Variants in IPO9 observed in about 807,000 individuals in gnomAD.
IPO9 encodes importin 9, also known as importin-9.
A neutral mutation model predicts 128.6 loss-of-function variants in IPO9; 28 were observed. The observed-to-expected ratio is 0.22, with a 90% CI of 0.16 to 0.30. The LOEUF (loss-of-function observed/expected upper bound fraction) is 0.30, where lower values mean the gene tolerates loss of function less well. IPO9 is among the 10% of genes least tolerant of loss of function. IPO9 has a pLI of 1.00. For missense variants in IPO9, 935 were observed against 1,293.9 expected (o/e 0.72, Z 4.26); for synonymous variants, 455 against 475.8 (o/e 0.96, Z 0.57).
chr1:201,830,092 C>A (rs1206226300), intron 1 of IPO9, among the ~76,000 whole-genome samples: 3 of 152,148 alleles, frequency 2.0e-5, no homozygotes, highest in East Asian at 3.8e-4. Context: ...AGAAAATAAA[C>A]CATTGGTTCG....
intron 16 of IPO9, 67 bp downstream of exon 16, chr1:201,868,863 C>G: frequency 6.7e-7 from 1 of 1,497,966 alleles, no homozygotes; most frequent in Non-Finnish European, 9.0e-7. Flanking sequence ...ACAGATGCAT[C>G]TAGCTGACAA....
At chr1:201,869,041 A>G (rs1279204183) in intron 16 of IPO9, among the ~76,000 whole-genome samples, 1 of 152,164 alleles carries the variant, frequency 6.6e-6, no homozygotes, top group Admixed American at 6.5e-5. Flanking sequence ...TCACAAGGTC[A>G]GGAGTTCGAG....
intron 12 of IPO9, 145 bp from the exon 13 acceptor site, chr1:201,858,710 A>G (rs1680379657): frequency 1.2e-6 from 1 of 851,886 alleles, no homozygotes; most frequent in East Asian, 2.7e-5. Context: ...CTTTTCAGCT[A>G]TAGGTTAGAA....
rs541523957 is a variant in IPO9 at position 201,870,954 on chromosome 1, T to C, written c.2409+96T>C. 4.4e-5 allele frequency: 62 copies of C among 1,423,060 alleles called. No homozygotes were observed. In the African/African-American group the frequency reaches 5.7e-4, roughly 13 times the overall value. 88.2% of individuals were successfully genotyped at this position (1,423,060 alleles called of 1,614,324 possible). ...GAGTTATTTTATTTTACCCTCTTAC[T>C]AGCCTTGTAGGACAGTTAAGTAAAA... On this transcript the variant is annotated intron_variant, in intron 18 of 23. Transcript: ENST00000361565. This position sits in a 1 kb window ranked among gnomAD's most constrained non-coding sequence, Gnocchi z 4.9.
In IPO9 at chr1:201,883,328, G is replaced by A. The variant is rs1300712069; in HGVS notation, c.*7274G>A. ...CTAGTGAACTGCAATTAGGCCCAGG[G>A]TCCCGGAGGAAGAAGGGGAGAGAAA... On this transcript the variant is annotated 3_prime_UTR_variant, in exon 24 of 24. Transcript: ENST00000361565. 1.3e-5 allele frequency: 2 copies of A among 152,216 alleles called. No individual in the cohort carries two copies. Among genetic ancestry groups the A allele is most frequent in the East Asian group, 3.8e-4 (2 of 5,198 alleles). 9.4% of individuals were successfully genotyped at this position (152,216 alleles called of 1,614,324 possible).
Position 201,829,257 on chromosome 1 carries a change from A to C in IPO9, c.48A>C (p.Pro16=). The C allele has an allele frequency of 1.9e-6, 3 of 1,590,458 alleles. No homozygotes were observed. Among genetic ancestry groups the C allele is most frequent in the Non-Finnish European group, 2.6e-6 (3 of 1,170,962 alleles). The change falls in exon 1 of 24, where the codon CCA becomes CCC. Residue 16 remains proline, a synonymous_variant. Coordinates refer to ENST00000361565, the MANE Select transcript of IPO9 (RefSeq NM_018085.5). ...GTGCGGCCTCCGGGCTGCCGGGTCCAGTGGCACAAGGATTAAAGGAAGCGT... is the reference window on the plus strand; with the variant it reads ...GTGCGGCCTCCGGGCTGCCGGGTCCCGTGGCACAAGGATTAAAGGAAGCGT... ...AAGAASGLPG[P]VAQGLKEALV... is the part of the protein sequence containing the mutation.
chr1:201,879,317 ATT>A lies in IPO9; in HGVS notation c.*3266_*3267del, dbSNP rs1264978058. On this transcript the variant is annotated 3_prime_UTR_variant, in exon 24 of 24. Transcript: ENST00000361565. ...TGTTAACTAGGTAAATAATCTGGACATTTTAGTCAAAGCATTAGACAGACAGA... is the reference window on the plus strand; with the variant it reads ...TGTTAACTAGGTAAATAATCTGGACATTAGTCAAAGCATTAGACAGACAGA... The A allele has an allele frequency of 6.6e-6, 1 of 152,100 alleles. No homozygotes were observed. Among genetic ancestry groups the A allele is most frequent in the Non-Finnish European group, 1.5e-5 (1 of 68,030 alleles). The allele number at this position is 152,100 out of a possible 1,614,324, so 9.4% of individuals were successfully genotyped here.
intron 1 of IPO9, among the ~76,000 whole-genome samples, chr1:201,845,042 G>A (rs992249505): frequency 6.6e-6 from 1 of 151,504 alleles, no homozygotes; most frequent in African/African-American, 2.4e-5. Flanking sequence ...GGCGTACAGA[G>A]TTTCCCTCTT....
intron 20 of IPO9, among the ~76,000 whole-genome samples, chr1:201,873,610 G>A (rs1293183023): frequency 1.3e-5 from 2 of 151,922 alleles, no homozygotes; most frequent in Non-Finnish European, 2.9e-5. Context: ...AGCCAGGCAT[G>A]GTGGCGCATG....
chr1:201,868,782 G>A lies in IPO9; in HGVS notation c.1990G>A (p.Ala664Thr). The change falls in exon 16 of 24, where the codon GCA becomes ACA. Residue 664 changes from alanine (A) to threonine (T), a missense_variant. By Grantham distance (58) the Ala-to-Thr change is moderately conservative (BLOSUM62 0). Transcript: ENST00000361565. ...IMQAPADKIP[A>T]GLCATAIDIL... ...GCAGGCCCCAGCAGACAAGATTCCTGCAGGGCTTTGTGCGGTAAGTGGCCG... is the reference window on the plus strand; with the variant it reads ...GCAGGCCCCAGCAGACAAGATTCCTACAGGGCTTTGTGCGGTAAGTGGCCG... The A allele has an allele frequency of 6.2e-7, 1 of 1,610,654 alleles. No homozygotes were observed. Among genetic ancestry groups the A allele is most frequent in the African/African-American group, 1.3e-5 (1 of 74,118 alleles).
In IPO9 at chr1:201,879,144, A is replaced by C. The variant is rs567797158; in HGVS notation, c.*3090A>C. 3.9e-4 allele frequency: 60 copies of C among 152,238 alleles called. No individual in the cohort carries two copies. The highest frequency in any genetic ancestry group is 7.6e-4 in the Non-Finnish European group (52 of 68,040). The allele number at this position is 152,238 out of a possible 1,614,324, so 9.4% of individuals were successfully genotyped here. A position where few individuals can be genotyped will look rare whatever the true frequency, so the allele number is the denominator to read the frequency against. ...GAAGGAAGCTGATAACACAAGTTAC[A>C]GACGTATATGTGACATTGATTTGGG... On this transcript the variant is annotated 3_prime_UTR_variant, in exon 24 of 24. Coordinates refer to ENST00000361565, the MANE Select transcript of IPO9 (RefSeq NM_018085.5).
chr1:201,832,549 C>T (rs974793037), intron 1 of IPO9, among the ~76,000 whole-genome samples: 1 of 152,212 alleles, frequency 6.6e-6, no homozygotes, highest in East Asian at 1.9e-4. Context: ...ATGAGCCAAC[C>T]GGCCAGGCCG....
chr1:201,853,423 G>A (rs1425838733), intron 6 of IPO9, among the ~76,000 whole-genome samples: 1 of 151,954 alleles, frequency 6.6e-6, no homozygotes, highest in East Asian at 1.9e-4. Context: ...TGTAGAGATA[G>A]GGTCTCACTG....
At chr1:201,867,483 G>A (rs1178727364) in intron 15 of IPO9, among the ~76,000 whole-genome samples, 1 of 151,914 alleles carries the variant, frequency 6.6e-6, no homozygotes, top group Non-Finnish European at 1.5e-5. Flanking sequence ...AGGAATATCT[G>A]AAACCATGGG....
Position 201,882,594 on chromosome 1 carries a change from G to A in IPO9, c.*6540G>A, listed in dbSNP as rs374808009. ...GCATTACTGCTGGCTTCCTAAAATT[G>A]AAAAGTATACTAGGGTTTTTAAACC... On this transcript the variant is annotated 3_prime_UTR_variant, in exon 24 of 24. Coordinates refer to ENST00000361565, the MANE Select transcript of IPO9 (RefSeq NM_018085.5). The A allele has an allele frequency of 6.6e-6, 1 of 152,064 alleles. No homozygotes were observed. The highest frequency in any genetic ancestry group is 2.1e-4 in the South Asian group (1 of 4,834). 9.4% of individuals were successfully genotyped at this position (152,064 alleles called of 1,614,324 possible). A position where few individuals can be genotyped will look rare whatever the true frequency, so the allele number is the denominator to read the frequency against.
Position 201,848,366 on chromosome 1 carries a change from T to C in IPO9, c.313-27T>C, listed in dbSNP as rs371682400. The C allele has an allele frequency of 1.5e-5, 24 of 1,591,308 alleles. No homozygotes were observed. In the African/African-American group the frequency reaches 3.0e-4, roughly 20 times the overall value. On this transcript the variant is annotated intron_variant, in intron 3 of 23. Coordinates refer to ENST00000361565, the MANE Select transcript of IPO9 (RefSeq NM_018085.5). Reference sequence around the variant, plus strand: ...GCCAGTCACTTTTAACCTGATCTAATAGCAGGTGGACTTTTATCCCTTACA... The same window carrying C: ...GCCAGTCACTTTTAACCTGATCTAACAGCAGGTGGACTTTTATCCCTTACA...
chr1:201,860,964 G>A (rs574680048), intron 13 of IPO9, among the ~76,000 whole-genome samples: 8 of 152,152 alleles, frequency 5.3e-5, no homozygotes, highest in East Asian at 1.9e-4. Context: ...TCAGGAGTTC[G>A]AGACCAGCCT....
Position 201,878,978 on chromosome 1 carries a change from C to G in IPO9, c.*2924C>G, listed in dbSNP as rs149748014. ...AAATAAAAAAGAGCACTTAGCTGCT[C>G]TGAGACATTTTAGTCTCCTGACTGG... On this transcript the variant is annotated 3_prime_UTR_variant, in exon 24 of 24. Coordinates refer to ENST00000361565, the MANE Select transcript of IPO9 (RefSeq NM_018085.5). 2.5e-4 allele frequency: 38 copies of G among 152,322 alleles called. 1 individual carries two copies. Among genetic ancestry groups the G allele is most frequent in the African/African-American group, 8.7e-4 (36 of 41,576 alleles). The allele number at this position is 152,322 out of a possible 1,614,324, so 9.4% of individuals were successfully genotyped here.
rs373531363 is a variant in IPO9 at position 201,872,896 on chromosome 1, G to T, written c.2645G>T (p.Arg882Leu). ...NADDKRLQDI[R>L]VKGEEIYSMD... ...GATGACAAACGGCTACAGGATATCC[G>T]TGTGAAGGGAGAGGAGATCTACAGC... is the stretch of plus-strand genomic sequence containing the variant. The change falls in exon 20 of 24, where the codon CGT becomes CTT. Residue 882 changes from arginine (R) to leucine (L), a missense_variant. Physicochemically the swap from Arg to Leu is moderately radical, Grantham distance 102. Transcript: ENST00000361565. 10 of 1,614,036 alleles carry T rather than the reference G, an allele frequency of 6.2e-6. No individual in the cohort carries two copies. Among genetic ancestry groups the T allele is most frequent in the South Asian group, 1.1e-5 (1 of 91,060 alleles).
Sources: allele counts gnomAD v4.1 joint callset (sites outside exome capture counted in the v4.1 genomes callset), GRCh38; gene constraint gnomAD v4.1.1; non-coding constraint Gnocchi (gnomAD v3.1); transcripts MANE v1.5; gene names NCBI Gene and HGNC (gene_info 2026-07-23, HGNC 2026-07-21).